PNPLA1: variants seen among roughly 807,000 people sequenced by gnomAD.
The protein encoded by PNPLA1 is omega-hydroxyceramide transacylase.
In PNPLA1, 36 loss-of-function variants were observed where a neutral mutation model predicts 51.7. The ratio of observed to expected loss-of-function variants is 0.70; its 90% CI spans 0.53 to 0.92. The LOEUF is 0.92. Ranked by LOEUF, PNPLA1 falls within the 40% of genes least tolerant of loss-of-function variation. The pLI is 0.00. For missense variants in PNPLA1, 658 were observed against 682.5 expected (o/e 0.96, Z 0.40); for synonymous variants, 293 against 280.1 (o/e 1.05, Z -0.46).
Position 36,294,103 on chromosome 6 carries a change from G to A in PNPLA1, c.505-87G>A. On this transcript the variant is annotated intron_variant, in intron 3 of 8. Coordinates refer to ENST00000636260, the MANE Select transcript of PNPLA1 (RefSeq NM_001374623.1). The surrounding 1 kb of genome is among the most constrained non-coding windows in gnomAD (Gnocchi z 4.2). ...TCCTTGATGGGCCCTTGAAGCTGGT[G>A]CCATATCCCATGGGCCATTTCGATG... 6.8e-7 allele frequency: 1 copy of A among 1,463,036 alleles called. No individual in the cohort carries two copies. The highest frequency in any genetic ancestry group is 9.4e-7 in the Non-Finnish European group (1 of 1,069,370). 90.6% of individuals were successfully genotyped at this position (1,463,036 alleles called of 1,614,324 possible).
At chr6:36,284,341 T>C (rs1393158735) in intron 1 of PNPLA1, among the ~76,000 whole-genome samples, 2 of 152,258 alleles carry the variant, frequency 1.3e-5, no homozygotes, top group Admixed American at 6.5e-5. Context: ...AAAGATGTTG[T>C]TTTGTTTGGT....
At chr6:36,279,080 G>A (rs1418885304) in intron 1 of PNPLA1, among the ~76,000 whole-genome samples, 1 of 152,200 alleles carries the variant, frequency 6.6e-6, no homozygotes, top group Non-Finnish European at 1.5e-5. Flanking sequence ...CAGGCTGACA[G>A]GTCTGCAGGT....
At chr6:36,298,772 T>C (rs528324153) in intron 5 of PNPLA1, among the ~76,000 whole-genome samples, 1 of 152,376 alleles carries the variant, frequency 6.6e-6, no homozygotes, top group African/African-American at 2.4e-5. Flanking sequence ...GGAGTCTCGC[T>C]CTGTTGTCCA....
intron 1 of PNPLA1, among the ~76,000 whole-genome samples, chr6:36,288,851 T>G (rs1770589110): frequency 6.6e-6 from 1 of 152,200 alleles, no homozygotes; most frequent in Non-Finnish European, 1.5e-5. Flanking sequence ...GTGAGAGGAT[T>G]GCCTGAGCCA....
At chr6:36,293,507 T>C (rs1770756106) in intron 3 of PNPLA1, among the ~76,000 whole-genome samples, 1 of 152,352 alleles carries the variant, frequency 6.6e-6, no homozygotes, top group Non-Finnish European at 1.5e-5. Flanking sequence ...TAATGTGCCC[T>C]TGAATCACTC....
intron 1 of PNPLA1, among the ~76,000 whole-genome samples, chr6:36,245,654 G>C (rs548859817): frequency 6.6e-6 from 1 of 152,358 alleles, no homozygotes; most frequent in African/African-American, 2.4e-5. Flanking sequence ...ACTCAGCACA[G>C]GGGAGCTGCA....
chr6:36,262,504 T>C (rs1324324097), intron 1 of PNPLA1, among the ~76,000 whole-genome samples: 1 of 152,240 alleles, frequency 6.6e-6, no homozygotes, highest in Non-Finnish European at 1.5e-5. Context: ...AATTCTTCTT[T>C]GTTTACTGTA....
Position 36,291,566 on chromosome 6 carries a change from G to GCC in PNPLA1, c.438+15_438+16insCC. 1 of 1,226,758 alleles carries GCC rather than the reference G, an allele frequency of 8.2e-7. No individual in the cohort carries two copies. The highest frequency in any genetic ancestry group is 1.2e-6 in the Non-Finnish European group (1 of 856,688). The allele number at this position is 1,226,758 out of a possible 1,614,324, so 76.0% of individuals were successfully genotyped here. ...GAGCTCATTGAGGCAAGGGGGCTGG[G>GCC]CTGGGAGGGAGGGACACGGAGGGGG... On this transcript the variant is annotated intron_variant, in intron 2 of 8. Coordinates refer to ENST00000636260, the MANE Select transcript of PNPLA1 (RefSeq NM_001374623.1).
chr6:36,292,576 C>T (rs987383792), intron 2 of PNPLA1, among the ~76,000 whole-genome samples: 1 of 152,188 alleles, frequency 6.6e-6, no homozygotes, highest in Non-Finnish European at 1.5e-5. Context: ...CCCTTCATCC[C>T]CTCCCACCCT....
At chr6:36,261,585 C>T (rs763270079) in intron 1 of PNPLA1, among the ~76,000 whole-genome samples, 16 of 152,198 alleles carry the variant, frequency 1.1e-4, no homozygotes, top group South Asian at 4.1e-4. Context: ...TTCCAATCTT[C>T]GTGCACTGAC....
chr6:36,282,105 G>A (rs1409581315), intron 1 of PNPLA1, among the ~76,000 whole-genome samples: 37 of 140,536 alleles, frequency 2.6e-4, no homozygotes, highest in African/African-American at 8.4e-4. Context: ...AGGAAGGAAG[G>A]AAGGAAGGAA....
chr6:36,306,079 C>T (rs1057162555), intron 6 of PNPLA1, among the ~76,000 whole-genome samples: 2 of 152,134 alleles, frequency 1.3e-5, no homozygotes, highest in South Asian at 4.1e-4. Context: ...TAATGTTCCA[C>T]CAAGGGTCCG....
chr6:36,291,585 G>GT, intron 2 of PNPLA1, 33 bp downstream of exon 2: 1 of 928,986 alleles, frequency 1.1e-6, no homozygotes, highest in East Asian at 2.8e-5. Flanking sequence ...GAGGGACACG[G>GT]AGGGGGCGGG....
intron 1 of PNPLA1, among the ~76,000 whole-genome samples, chr6:36,263,996 TA>T (rs1769708968): frequency 6.6e-6 from 1 of 152,172 alleles, no homozygotes; most frequent in Admixed American, 6.5e-5. Context: ...GAAAACACCG[TA>T]AAGGCTCTGG....
chr6:36,307,750 G>A, intron 8 of PNPLA1, 38 bp downstream of exon 8: 1 of 1,610,158 alleles, frequency 6.2e-7, no homozygotes, highest in Non-Finnish European at 8.5e-7. Context: ...CCACGGAGAG[G>A]AGCAGCTTTG....
chr6:36,282,212 G>GGAAGGAA lies in PNPLA1; in HGVS notation c.206-9107_206-9106insAAGGAAG, dbSNP rs1554136650. ...AAGAAAGAAGGAAGGAAGGAAGGAAGGGAAGGAAGGAAGGAAGGAAGGAAA... is the reference window on the plus strand; with the variant it reads ...AAGAAAGAAGGAAGGAAGGAAGGAAGGAAGGAAGGAAGGAAGGAAGGAAGGAAGGAAA... On this transcript the variant is annotated intron_variant, in intron 1 of 8. Coordinates refer to ENST00000636260, the MANE Select transcript of PNPLA1 (RefSeq NM_001374623.1). 1.7e-4 allele frequency among the ~76,000 whole-genome samples: 18 copies of GGAAGGAA among 108,616 alleles called. 2 individuals carry two copies. The highest frequency in any genetic ancestry group is 5.1e-4 in the African/African-American group (15 of 29,282). The allele number at this position is 108,616 out of a possible 152,430, so 71.3% of individuals were successfully genotyped here.
At chr6:36,300,343 T>C (rs1293341027) in intron 5 of PNPLA1, among the ~76,000 whole-genome samples, 2 of 151,324 alleles carry the variant, frequency 1.3e-5, no homozygotes, top group Non-Finnish European at 2.9e-5. Context: ...TACAGGTGCA[T>C]GCCACTACCC....
intron 5 of PNPLA1, among the ~76,000 whole-genome samples, chr6:36,297,983 C>A (rs995718333): frequency 6.6e-6 from 1 of 152,130 alleles, no homozygotes; most frequent in Admixed American, 6.6e-5. Context: ...CCTTCCCTCA[C>A]CCCCCGCCAT....
intron 1 of PNPLA1, among the ~76,000 whole-genome samples, chr6:36,288,029 C>T (rs1201627198): frequency 1.3e-5 from 2 of 152,194 alleles, no homozygotes; most frequent in Non-Finnish European, 2.9e-5. Context: ...TCCTGTCACC[C>T]AACCCTACCC....
Sources: allele counts gnomAD v4.1 joint callset (sites outside exome capture counted in the v4.1 genomes callset), GRCh38; gene constraint gnomAD v4.1.1; non-coding constraint Gnocchi (gnomAD v3.1); transcripts MANE v1.5; gene names NCBI Gene and HGNC (gene_info 2026-07-23, HGNC 2026-07-21).